The following LAMA3 variants were observed in gnomAD, a reference collection of about 807,000 sequenced individuals.
LAMA3 encodes laminin subunit alpha-3.
A neutral mutation model predicts 402.0 loss-of-function variants in LAMA3; 281 were observed. That is an observed-to-expected ratio of 0.70 (90% CI 0.63 to 0.77). The LOEUF (loss-of-function observed/expected upper bound fraction) is 0.77, where lower values mean the gene tolerates loss of function less well. Ranked by LOEUF, LAMA3 falls within the 30% of genes least tolerant of loss-of-function variation. The pLI, the probability that LAMA3 is intolerant of heterozygous loss-of-function variation, is 0.00. For missense variants in LAMA3, 3,840 were observed against 4,215.5 expected (o/e 0.91, Z 2.47); for synonymous variants, 1,431 against 1,558.4 (o/e 0.92, Z 1.93).
chr18:23,740,438 A>T (rs1433032143), intron 2 of LAMA3, among the ~76,000 whole-genome samples: 13 of 151,150 alleles, frequency 8.6e-5, no homozygotes, highest in Admixed American at 8.6e-4. Flanking sequence ...TTTCATTAAG[A>T]TTGTCATTTT....
chr18:23,943,833 G>C lies in LAMA3; in HGVS notation c.9072G>C (p.Leu3024=). The change falls in exon 69 of 75, where the codon CTG becomes CTC. Residue 3024 remains leucine, a synonymous_variant. Transcript: ENST00000313654. The stretch of plus-strand genomic sequence containing the variant: ...TGCAGACAACATCCTCCAGAGGACT[G>C]GTGTTTCACACGGGCACTAAGAACT... ...VDMQTTSSRG[L]VFHTGTKNSF... The C allele has an allele frequency of 6.2e-7, 1 of 1,613,934 alleles. No individual in the cohort carries two copies. The highest frequency in any genetic ancestry group is 8.5e-7 in the Non-Finnish European group (1 of 1,179,868).
chr18:23,790,891 C>CTT (rs34056350), intron 12 of LAMA3, among the ~76,000 whole-genome samples: 4 of 144,944 alleles, frequency 2.8e-5, no homozygotes, highest in African/African-American at 5.0e-5. Flanking sequence ...CCTATTTTAT[C>CTT]TTTTTTTTTT....
intron 39 of LAMA3, among the ~76,000 whole-genome samples, chr18:23,878,492 ACACT>A (rs2064794275): frequency 6.6e-6 from 1 of 152,236 alleles, no homozygotes; most frequent in Non-Finnish European, 1.5e-5. Context: ...GTGTGTACAC[ACACT>A]CACACACACA....
At chr18:23,943,099 C>T (rs8089138) in intron 68 of LAMA3, among the ~76,000 whole-genome samples, 2 of 152,090 alleles carry the variant, frequency 1.3e-5, no homozygotes, top group Non-Finnish European at 2.9e-5. Flanking sequence ...ACTTCTCCTA[C>T]GACTTCCCTC....
chr18:23,712,632 G>A (rs562096112), intron 1 of LAMA3, among the ~76,000 whole-genome samples: 2 of 116,144 alleles, frequency 1.7e-5, no homozygotes, highest in South Asian at 5.7e-4. Context: ...TTTGTATAAT[G>A]TCGAAAGATA....
chr18:23,903,887 T>G, intron 49 of LAMA3, 46 bp from the exon 50 acceptor site: 1 of 1,502,890 alleles, frequency 6.7e-7, no homozygotes, highest in Non-Finnish European at 9.3e-7. Context: ...AGCACCTACA[T>G]TCTTTCCTTG....
intron 2 of LAMA3, among the ~76,000 whole-genome samples, chr18:23,722,962 A>G (rs972665252): frequency 2.0e-5 from 3 of 152,146 alleles, no homozygotes; most frequent in African/African-American, 7.2e-5. Context: ...TTGGCATCAC[A>G]TGGGAAAGGG....
rs550066596 is a variant in LAMA3 at position 23,881,653 on chromosome 18, G to A, written c.5113-283G>A. On this transcript the variant is annotated intron_variant, in intron 39 of 74. Transcript: ENST00000313654. The stretch of plus-strand genomic sequence containing the variant: ...TGAAAGGATCTTGCCCCAGGGCTCC[G>A]TGGCCTTGAGATGCTGGAGTGGGAT... Among the ~76,000 whole-genome samples, 249 of 152,266 alleles carry A rather than the reference G, an allele frequency of 1.6e-3. 1 individual carries two copies. The highest frequency in any genetic ancestry group is 5.7e-3 in the African/African-American group (236 of 41,544).
chr18:23,771,783 G>A (rs1568167726), intron 8 of LAMA3, among the ~76,000 whole-genome samples: 1 of 152,198 alleles, frequency 6.6e-6, no homozygotes, highest in Non-Finnish European at 1.5e-5. Flanking sequence ...GTAGGTGGGG[G>A]AGTGTAAAGG....
At chr18:23,791,157 T>G (rs2062645544) in intron 12 of LAMA3, among the ~76,000 whole-genome samples, 1 of 152,202 alleles carries the variant, frequency 6.6e-6, no homozygotes, top group Non-Finnish European at 1.5e-5. Context: ...ATTACAGGTG[T>G]GAACCATCGC....
chr18:23,753,667 A>G, intron 5 of LAMA3, 54 bp from the exon 6 acceptor site: 2 of 1,380,740 alleles, frequency 1.4e-6, no homozygotes, highest in Non-Finnish European at 2.1e-6. Flanking sequence ...CTAGTAAGAG[A>G]AAGTTTTTGT....
intron 69 of LAMA3, among the ~76,000 whole-genome samples, chr18:23,944,692 C>T (rs1270613472): frequency 1.3e-5 from 2 of 152,066 alleles, no homozygotes; most frequent in African/African-American, 4.8e-5. Flanking sequence ...TAACAAGGAC[C>T]TGGAGGTGGG....
intron 19 of LAMA3, 137 bp downstream of exon 19, chr18:23,820,134 C>T: frequency 1.1e-6 from 1 of 900,536 alleles, no homozygotes; most frequent in Non-Finnish European, 1.8e-6. Flanking sequence ...TATGGGTTGG[C>T]ATTGGAGTTT....
intron 7 of LAMA3, among the ~76,000 whole-genome samples, chr18:23,758,845 T>C (rs1207808615): frequency 6.6e-6 from 1 of 152,190 alleles, no homozygotes; most frequent in Non-Finnish European, 1.5e-5. Context: ...GACGTGATAC[T>C]GGATAGGAAT....
intron 6 of LAMA3, among the ~76,000 whole-genome samples, chr18:23,757,918 C>T (rs2061884327): frequency 6.6e-6 from 1 of 152,240 alleles, no homozygotes; most frequent in Non-Finnish European, 1.5e-5. Flanking sequence ...ATCTTATTAG[C>T]AGCTGGTCCT....
At chr18:23,767,987 C>T (rs551048967) in intron 8 of LAMA3, among the ~76,000 whole-genome samples, 21 of 152,128 alleles carry the variant, frequency 1.4e-4, no homozygotes, top group South Asian at 4.1e-4. Flanking sequence ...TAACTCAAGA[C>T]GGACTAAAGA....
chr18:23,741,064 C>T (rs542186090), intron 2 of LAMA3, among the ~76,000 whole-genome samples: 64 of 152,182 alleles, frequency 4.2e-4, no homozygotes, highest in Non-Finnish European at 1.5e-4. Flanking sequence ...CGCCATTCTC[C>T]TGCCTCAGCC....
At position 23,898,828 on chromosome 18, in the gene LAMA3, T is replaced by A; in HGVS notation, c.5704T>A (p.Phe1902Ile). 1 of 1,608,704 alleles carries A rather than the reference T, an allele frequency of 6.2e-7. No homozygotes were observed. The highest frequency in any genetic ancestry group is 1.1e-5 in the South Asian group (1 of 90,976). The change falls in exon 45 of 75, where the codon TTT (phenylalanine) becomes ATT (isoleucine). Residue 1902 changes from phenylalanine (F) to isoleucine (I), a missense_variant. Around this residue, in one of 3 missense-constraint regions of LAMA3, gnomAD observed 891 missense variants for 857.5 expected, o/e 1.04. Transcript: ENST00000313654. The part of the protein sequence containing the change: ...ERELTDLNQE[F>I]ETLQEKAQVN... ...AGAACTGACTGATTTGAATCAAGAA[T>A]TTGAGACTTTGCAAGAAAAGGTAAT...
chr18:23,838,560 T>A (rs2063632021), intron 25 of LAMA3, among the ~76,000 whole-genome samples: 1 of 152,362 alleles, frequency 6.6e-6, no homozygotes, highest in South Asian at 2.1e-4. Flanking sequence ...ATTTCAGCAG[T>A]AATTCAGTCA....
Sources: gnomAD v4.1 joint callset for allele counts (sites outside exome capture counted in the v4.1 genomes callset) on GRCh38, gnomAD v4.1.1 for gene constraint, gnomAD v4.1.1 regional missense constraint, MANE v1.5 for transcripts, NCBI Gene and HGNC (gene_info 2026-07-23, HGNC 2026-07-21) for gene names.